CACNB2: variants seen among roughly 807,000 people sequenced by gnomAD.
CACNB2 encodes voltage-dependent L-type calcium channel subunit beta-2.
A neutral mutation model predicts 73.3 loss-of-function variants in CACNB2; 42 were observed. The observed-to-expected ratio is 0.57, with a 90% CI of 0.45 to 0.74. The LOEUF is 0.74. CACNB2 is among the 30% of genes least tolerant of loss of function. The pLI is 0.00. For missense variants in CACNB2, 940 were observed against 853.0 expected (o/e 1.10, Z -1.27); for synonymous variants, 348 against 310.3 (o/e 1.12, Z -1.28).
At chr10:18,230,512 A>G (rs971981466) in intron 2 of CACNB2, among the ~76,000 whole-genome samples, 2 of 152,184 alleles carry the variant, frequency 1.3e-5, no homozygotes, top group African/African-American at 4.8e-5. Context: ...ATGTGTTGTT[A>G]TAAGGCAGTT....
chr10:18,378,765 G>T (rs183958234), intron 2 of CACNB2, among the ~76,000 whole-genome samples: 7 of 152,194 alleles, frequency 4.6e-5, no homozygotes, highest in African/African-American at 1.7e-4. Context: ...TAGACTCCAC[G>T]GTGGCCTGAC....
At chr10:18,185,056 C>G (rs2034087544) in intron 2 of CACNB2, among the ~76,000 whole-genome samples, 1 of 152,080 alleles carries the variant, frequency 6.6e-6, no homozygotes. Flanking sequence ...CCAAGCTGGT[C>G]TCAAACTCCT....
At chr10:18,211,015 G>A (rs2131350763) in intron 2 of CACNB2, among the ~76,000 whole-genome samples, 1 of 152,294 alleles carries the variant, frequency 6.6e-6, no homozygotes, top group Middle Eastern at 3.4e-3. Context: ...TTGTAGAATT[G>A]CTGTGAAGAT....
At chr10:18,262,318 G>C (rs1431425478) in intron 2 of CACNB2, among the ~76,000 whole-genome samples, 1 of 151,936 alleles carries the variant, frequency 6.6e-6, no homozygotes, top group Non-Finnish European at 1.5e-5. Context: ...GTGACGGGGT[G>C]GGGTGGGAGG....
chr10:18,221,056 G>C (rs1278234968), intron 2 of CACNB2, among the ~76,000 whole-genome samples: 1 of 152,142 alleles, frequency 6.6e-6, no homozygotes, highest in Non-Finnish European at 1.5e-5. Context: ...CTGCCTGCCT[G>C]GCTCTTTTCT....
At chr10:18,375,357 G>A (rs537669302) in intron 2 of CACNB2, among the ~76,000 whole-genome samples, 14 of 152,122 alleles carry the variant, frequency 9.2e-5, no homozygotes, top group Non-Finnish European at 1.9e-4. Context: ...TAATCTCAAT[G>A]TGCTAATGGG....
intron 3 of CACNB2, among the ~76,000 whole-genome samples, chr10:18,420,030 A>G (rs1026381253): frequency 6.6e-6 from 1 of 152,068 alleles, no homozygotes; most frequent in Non-Finnish European, 1.5e-5. Flanking sequence ...CGTTCCCTCA[A>G]CTGTAAGTAT....
chr10:18,353,483 A>T (rs964775649), intron 2 of CACNB2, among the ~76,000 whole-genome samples: 3 of 152,100 alleles, frequency 2.0e-5, no homozygotes, highest in Admixed American at 6.5e-5. Context: ...AGTTAAGGAC[A>T]TAGGCCTTCT....
At chr10:18,385,954 A>G (rs756440143) in intron 2 of CACNB2, among the ~76,000 whole-genome samples, 15 of 152,150 alleles carry the variant, frequency 9.9e-5, no homozygotes, top group Admixed American at 2.6e-4. Context: ...ATATATCCTT[A>G]TGTACACATT....
chr10:18,438,471 T>A (rs963572753), intron 3 of CACNB2, among the ~76,000 whole-genome samples: 2 of 152,206 alleles, frequency 1.3e-5, no homozygotes, highest in African/African-American at 4.8e-5. Flanking sequence ...CCAAAATTGT[T>A]GATTGGCAGT....
intron 9 of CACNB2, among the ~76,000 whole-genome samples, chr10:18,525,508 A>G (rs1190103359): frequency 6.6e-6 from 1 of 152,182 alleles, no homozygotes; most frequent in Non-Finnish European, 1.5e-5. Flanking sequence ...AGTACAAAGC[A>G]TTCTAGTGCT....
chr10:18,269,266 G>T (rs1430235196), intron 2 of CACNB2, among the ~76,000 whole-genome samples: 3 of 152,134 alleles, frequency 2.0e-5, no homozygotes, highest in Non-Finnish European at 4.4e-5. Context: ...CGTCACTAAA[G>T]ATACACACAA....
chr10:18,165,831 T>C (rs970058037), intron 2 of CACNB2, among the ~76,000 whole-genome samples: 9 of 152,232 alleles, frequency 5.9e-5, no homozygotes, highest in African/African-American at 2.2e-4. Flanking sequence ...AAGGGCAGTA[T>C]GTTTATTAAC....
intron 2 of CACNB2, among the ~76,000 whole-genome samples, chr10:18,152,704 C>T (rs1281937587): frequency 1.7e-5 from 1 of 59,742 alleles, no homozygotes; most frequent in Non-Finnish European, 3.1e-5. Context: ...GGACCTGAAA[C>T]AGACCAAAAA....
At chr10:18,273,104 G>A (rs2038126642) in intron 2 of CACNB2, among the ~76,000 whole-genome samples, 1 of 152,186 alleles carries the variant, frequency 6.6e-6, no homozygotes, top group African/African-American at 2.4e-5. Context: ...TTGGATCAGG[G>A]CTGCTCTGAG....
intron 3 of CACNB2, among the ~76,000 whole-genome samples, chr10:18,455,291 A>G (rs2047222912): frequency 6.6e-6 from 1 of 152,222 alleles, no homozygotes; most frequent in African/African-American, 2.4e-5. Flanking sequence ...TGGGTTGGTG[A>G]CTTAGTAAGA....
rs79813341 is a variant in CACNB2, at chr10:18,220,877, G to A, written c.213+69902G>A. ...CATTCCCTACAATCCCCCCTAGTCC[G>A]TGGGAAACTTATCTTCCATGAAACC... On this transcript the variant is annotated intron_variant, in intron 2 of 13. Transcript: ENST00000324631. Among the ~76,000 whole-genome samples, 723 of 152,288 alleles carry A rather than the reference G, an allele frequency of 4.7e-3. 10 individuals are homozygous for A. In the East Asian group the frequency reaches 0.062, roughly 13 times the overall value.
intron 2 of CACNB2, among the ~76,000 whole-genome samples, chr10:18,395,790 G>C (rs569162824): frequency 1.3e-5 from 2 of 152,226 alleles, no homozygotes; most frequent in South Asian, 4.1e-4. Flanking sequence ...CTAAATGATA[G>C]GTCAATCACA....
chr10:18,231,732 T>A (rs11013102), intron 2 of CACNB2, among the ~76,000 whole-genome samples: 7,141 of 152,264 alleles, frequency 0.047, 589 homozygotes, highest in African/African-American at 0.16. Context: ...TGCTGAAGAC[T>A]TAAGTTCTAA....
Sources: gnomAD v4.1 joint callset for allele counts (sites outside exome capture counted in the v4.1 genomes callset) on GRCh38, gnomAD v4.1.1 for gene constraint, MANE v1.5 for transcripts, NCBI Gene and HGNC (gene_info 2026-07-23, HGNC 2026-07-21) for gene names.